The following KANK4 variants were observed in gnomAD, a reference collection of about 807,000 sequenced individuals.
The protein encoded by KANK4 is KN motif and ankyrin repeat domains 4.
In KANK4, 50 loss-of-function variants were observed where a neutral mutation model predicts 80.8. The ratio of observed to expected loss-of-function variants is 0.62; its 90% CI spans 0.49 to 0.78. KANK4 has a LOEUF of 0.78. Among genes scored for constraint, KANK4 ranks in the 30% least tolerant of loss-of-function variants. The pLI is 0.00. For missense variants in KANK4, 1,196 were observed against 1,240.1 expected, an observed-to-expected ratio of 0.96 and a Z score of 0.53; for synonymous variants, 465 against 506.9, an observed-to-expected ratio of 0.92 and a Z score of 1.11.
Position 62,238,271 on chromosome 1 carries a change from C to A in KANK4, c.*6G>T. On this transcript the variant is annotated 3_prime_UTR_variant, in exon 10 of 10. Transcript: ENST00000371153. ...TTGTTCCCCACGGCCAGTTCTTCTG[C>A]AGCCCCTACAGCCCCAGGGACCTGC... 2 of 1,606,148 alleles carry A rather than the reference C, an allele frequency of 1.2e-6. No individual in the cohort carries two copies. Among genetic ancestry groups the A allele is most frequent in the East Asian group, 2.2e-5 (1 of 44,848 alleles).
intron 9 of KANK4, among the ~76,000 whole-genome samples, chr1:62,239,655 C>A (rs1327051205): frequency 1.3e-5 from 2 of 152,062 alleles, no homozygotes; most frequent in East Asian, 3.9e-4. Context: ...CTAATGCTAT[C>A]CCTCCTCACT....
chr1:62,292,877 C>T (rs1925825), intron 1 of KANK4, among the ~76,000 whole-genome samples: 95,474 of 151,960 alleles, frequency 0.63, 30,626 homozygotes, highest in African/African-American at 0.74. Context: ...TTAACTAACT[C>T]GTCTCATGGT....
At chr1:62,268,164 A>C in intron 5 of KANK4, 123 bp downstream of exon 5, 1 of 788,288 alleles carries the variant, frequency 1.3e-6, no homozygotes, top group Non-Finnish European at 2.1e-6. Flanking sequence ...TGAAACAGAG[A>C]CTTAAACAAC....
rs768076922 is a variant in KANK4 at position 62,263,328 on chromosome 1, G to T, written c.2320-17C>A. 3 of 1,607,054 alleles carry T rather than the reference G, an allele frequency of 1.9e-6. No homozygotes were observed. The highest frequency in any genetic ancestry group is 2.6e-6 in the Non-Finnish European group (3 of 1,175,762). On this transcript the variant is annotated splice_polypyrimidine_tract_variant and intron_variant, in intron 6 of 9. Coordinates refer to ENST00000371153, the MANE Select transcript of KANK4 (RefSeq NM_181712.5). ...GCTTTGCCTCTGAAACCCCAAAAAAGACCAATTCCAAGAGGTTCCCCGGCC... is the reference window on the plus strand; with the variant it reads ...GCTTTGCCTCTGAAACCCCAAAAAATACCAATTCCAAGAGGTTCCCCGGCC...
At chr1:62,269,596 A>G (rs1285559252) in intron 4 of KANK4, among the ~76,000 whole-genome samples, 3 of 152,204 alleles carry the variant, frequency 2.0e-5, no homozygotes, top group Non-Finnish European at 4.4e-5. Context: ...GCTTCCATAA[A>G]AACTTTGCCT....
intron 1 of KANK4, among the ~76,000 whole-genome samples, chr1:62,291,399 G>T (rs190770775): frequency 2.6e-5 from 4 of 152,220 alleles, no homozygotes; most frequent in African/African-American, 4.8e-5. Context: ...CCTTGTATAT[G>T]GTATAAGATA....
intron 1 of KANK4, chr1:62,298,281 G>GC (rs1261778051): frequency 6.6e-6 from 1 of 152,190 alleles, no homozygotes; most frequent in Non-Finnish European, 1.5e-5. Flanking sequence ...TAACCAGCCA[G>GC]CCCTCCAGGT....
In KANK4 at chr1:62,273,403, G is replaced by A. The variant is rs137870678; in HGVS notation, c.1701C>T (p.Ile567=). ...TCCACTGCTCCTGCAGGAGCTCCTG[G>A]ATCTTCTTCACATACTGCCCAATAG... The part of the protein sequence containing the change: ...DATIGQYVKK[I]QELLQEQWNC... The change falls in exon 3 of 10, where the codon ATC becomes ATT. Residue 567 remains isoleucine, a synonymous_variant. Coordinates refer to ENST00000371153, the MANE Select transcript of KANK4 (RefSeq NM_181712.5). 17 of 1,609,088 alleles carry A rather than the reference G, an allele frequency of 1.1e-5. No homozygotes were observed. In the African/African-American group the frequency reaches 2.3e-4, roughly 22 times the overall value.
Position 62,274,243 on chromosome 1 carries a change from T to C in KANK4, c.861A>G (p.Pro287=), listed in dbSNP as rs1371578299. 2 of 1,613,848 alleles carry C rather than the reference T, an allele frequency of 1.2e-6. No individual in the cohort carries two copies. The highest frequency in any genetic ancestry group is 2.2e-5 in the East Asian group (1 of 44,854). ...TCTCAGGGATGGGTGATGGCAGAGG[T>C]GGCGGGCTTGGCGTAGGGGAGCCAG... ...FTPGSPTPSP[P]PLPSPIPENE... The change falls in exon 3 of 10, where the codon CCA becomes CCG. Residue 287 remains proline (P), a synonymous_variant. Coordinates refer to ENST00000371153, the MANE Select transcript of KANK4 (RefSeq NM_181712.5).
In KANK4 at chr1:62,312,629, C is replaced by T. The variant is rs1008549246; in HGVS notation, c.-71+6477G>A. Among the ~76,000 whole-genome samples the T allele has an allele frequency of 3.9e-5, 6 of 152,330 alleles. No homozygotes were observed. In the South Asian group the frequency reaches 1.2e-3, roughly 32 times the overall value. On this transcript the variant is annotated intron_variant, in intron 1 of 9. Coordinates refer to ENST00000371153, the MANE Select transcript of KANK4 (RefSeq NM_181712.5). ...ACTCTCTTCTGCCCACCCCTCTCAT[C>T]CAACTGGCCCAAGGAGGACCCCTGC... is the stretch of plus-strand genomic sequence containing the variant.
chr1:62,258,614 T>C (rs1671804766), intron 7 of KANK4, among the ~76,000 whole-genome samples: 1 of 152,200 alleles, frequency 6.6e-6, no homozygotes, highest in Admixed American at 6.5e-5. Flanking sequence ...CCGAGAGTCA[T>C]CCATCGCTCA....
intron 7 of KANK4, among the ~76,000 whole-genome samples, chr1:62,259,473 C>T (rs1000531269): frequency 1.3e-5 from 2 of 152,050 alleles, no homozygotes; most frequent in African/African-American, 4.8e-5. Flanking sequence ...GATGGGGTTT[C>T]ACCATGTTGC....
At chr1:62,254,644 C>T (rs1232708179) in intron 7 of KANK4, among the ~76,000 whole-genome samples, 1 of 151,930 alleles carries the variant, frequency 6.6e-6, no homozygotes, top group African/African-American at 2.4e-5. Context: ...ACCTCCGCCT[C>T]CTGGGTTCAA....
At chr1:62,275,167 G>T in intron 2 of KANK4, 80 bp from the exon 3 acceptor site, 1 of 1,069,512 alleles carries the variant, frequency 9.4e-7, no homozygotes. Context: ...TAATATCTCT[G>T]ATTTTAACTT....
intron 7 of KANK4, among the ~76,000 whole-genome samples, chr1:62,258,529 G>A (rs569796589): frequency 3.9e-5 from 6 of 152,170 alleles, no homozygotes; most frequent in Non-Finnish European, 5.9e-5. Context: ...TGCCTTTCCC[G>A]TTCAGCTGAA....
At chr1:62,302,697 C>T (rs1644421730) in intron 1 of KANK4, among the ~76,000 whole-genome samples, 1 of 152,122 alleles carries the variant, frequency 6.6e-6, no homozygotes, top group Non-Finnish European at 1.5e-5. Flanking sequence ...GGTTGTCCCC[C>T]AGACGTGGAA....
In KANK4 at chr1:62,268,427, C is replaced by A. The variant is rs1458814797; in HGVS notation, c.2091G>T (p.Lys697Asn). The change falls in exon 5 of 10, where the codon AAG (lysine) becomes AAT (asparagine). Residue 697 changes from lysine (K) to asparagine (N), a missense_variant. Lys to Asn is a moderately conservative substitution (Grantham distance 94). Around this residue, in one of 3 missense-constraint regions of KANK4, gnomAD observed 1,154 missense variants for 1,179.6 expected, o/e 0.98. Transcript: ENST00000371153. ...PEDLSDSEAEKKCDGPDHKHV... is the reference protein window; with the variant it reads ...PEDLSDSEAENKCDGPDHKHV... ...GCTTGTGATCTGGGCCGTCACACTT[C>A]TTCTCTGCCTCGCTGTCAGACAAGT... 2 of 1,613,872 alleles carry A rather than the reference C, an allele frequency of 1.2e-6. No individual in the cohort carries two copies. The highest frequency in any genetic ancestry group is 3.3e-5 in the Admixed American group (2 of 60,002).
At chr1:62,305,134 G>A (rs1644440613) in intron 1 of KANK4, among the ~76,000 whole-genome samples, 2 of 152,100 alleles carry the variant, frequency 1.3e-5, no homozygotes, top group South Asian at 2.1e-4. Context: ...CCTTTCCTAC[G>A]GCAGGAGGGC....
Position 62,275,103 on chromosome 1 carries a change from C to G in KANK4, c.17-16G>C. On this transcript the variant is annotated splice_polypyrimidine_tract_variant and intron_variant, in intron 2 of 9. Transcript: ENST00000371153. ...TGGTCTTTGGCTGGGAGACATAAGA[C>G]AAGTTAAAAAAAAAAAGCACAAATT... 1 of 1,528,886 alleles carries G rather than the reference C, an allele frequency of 6.5e-7. No homozygotes were observed. Among genetic ancestry groups the G allele is most frequent in the Non-Finnish European group, 8.8e-7 (1 of 1,130,764 alleles). 94.7% of individuals were successfully genotyped at this position (1,528,886 alleles called of 1,614,324 possible). A position where few individuals can be genotyped will look rare whatever the true frequency, so the allele number is the denominator to read the frequency against.
Sources: allele counts gnomAD v4.1 joint callset (sites outside exome capture counted in the v4.1 genomes callset), GRCh38; gene constraint gnomAD v4.1.1; regional missense constraint gnomAD v4.1.1; transcripts MANE v1.5; gene names NCBI Gene and HGNC (gene_info 2026-07-23, HGNC 2026-07-21).